The following TMC1 variants were observed in gnomAD, a reference collection of about 807,000 sequenced individuals.
The protein encoded by TMC1 is transmembrane channel like 1, also known as transmembrane channel-like protein 1.
In TMC1, 84 loss-of-function variants were observed where a neutral mutation model predicts 105.8. The observed-to-expected ratio is 0.79, with a 90% CI of 0.67 to 0.95. TMC1 has a LOEUF of 0.95. Ranked by LOEUF, TMC1 falls within the 40% of genes least tolerant of loss-of-function variation. TMC1 has a pLI of 0.00. For synonymous variants in TMC1, 315 were observed against 311.5 expected, an observed-to-expected ratio of 1.01 and a Z score of -0.12; for missense variants, 817 against 914.1, an observed-to-expected ratio of 0.89 and a Z score of 1.37.
At chr9:72,586,231 G>A (rs1368170019) in intron 2 of TMC1, among the ~76,000 whole-genome samples, 3 of 152,164 alleles carry the variant, frequency 2.0e-5, no homozygotes, top group Non-Finnish European at 2.9e-5. Context: ...ATGCCAGTTT[G>A]ATTCAGATAA....
chr9:72,784,997 C>T (rs937625914), intron 13 of TMC1, among the ~76,000 whole-genome samples: 14 of 152,114 alleles, frequency 9.2e-5, no homozygotes, highest in African/African-American at 2.9e-4. Context: ...TTACTACGCT[C>T]ATCATCTGAG....
At position 72,801,534 on chromosome 9, in the gene TMC1, C is replaced by T. The variant is rs1828472286; in HGVS notation, c.1567-3848C>T. Among the ~76,000 whole-genome samples, 4 of 152,198 alleles carry T rather than the reference C, an allele frequency of 2.6e-5. No homozygotes were observed. In the South Asian group the frequency reaches 8.3e-4, roughly 32 times the overall value. The stretch of plus-strand genomic sequence containing the variant: ...CCCCAGTTAGCATCAACACACACTC[C>T]CCAAACTCCTGCCTGCAATGTCTAT... On this transcript the variant is annotated intron_variant, in intron 17 of 23. Transcript: ENST00000297784.
At chr9:72,653,495 A>G (rs1825843672) in intron 5 of TMC1, among the ~76,000 whole-genome samples, 1 of 152,090 alleles carries the variant, frequency 6.6e-6, no homozygotes, top group Admixed American at 6.6e-5. Flanking sequence ...AAAAAGAAAA[A>G]CTGTTGATAC....
At chr9:72,725,325 G>GTGTGTA (rs1346287163) in intron 8 of TMC1, among the ~76,000 whole-genome samples, 38 of 77,682 alleles carry the variant, frequency 4.9e-4, no homozygotes, top group African/African-American at 1.2e-3. Context: ...ATGTGTGTAT[G>GTGTGTA]TATATATATA....
chr9:72,684,235 C>G lies in TMC1; in HGVS notation c.17-4474C>G, dbSNP rs1449453073. Among the ~76,000 whole-genome samples the G allele has an allele frequency of 2.6e-5, 4 of 152,178 alleles. No homozygotes were observed. The East Asian group carries it at 7.8e-4, about 29-fold the overall frequency. On this transcript the variant is annotated intron_variant, in intron 5 of 23. Coordinates refer to ENST00000297784, the MANE Select transcript of TMC1 (RefSeq NM_138691.3). ...TTCTAAATAGCAAAAATAGCTGTAT[C>G]CTTTTACTCACTGCCCATCAGTTCA...
chr9:72,524,987 A>G (rs1022522151), intron 1 of TMC1, among the ~76,000 whole-genome samples: 1 of 152,152 alleles, frequency 6.6e-6, no homozygotes, highest in Non-Finnish European at 1.5e-5. Context: ...CCAAGCCTGG[A>G]TTGTGGAGGT....
chr9:72,576,459 T>C (rs1358173239), intron 1 of TMC1, among the ~76,000 whole-genome samples: 1 of 151,808 alleles, frequency 6.6e-6, no homozygotes, highest in Non-Finnish European at 1.5e-5. Flanking sequence ...CTTTAGGTGC[T>C]CAGCACCTCT....
chr9:72,698,629 A>T (rs1826590469), intron 7 of TMC1, among the ~76,000 whole-genome samples: 1 of 152,240 alleles, frequency 6.6e-6, no homozygotes, highest in Non-Finnish European at 1.5e-5. Flanking sequence ...AAAGGTAAAA[A>T]GAGAACACTA....
In TMC1 at chr9:72,584,204, A is replaced by G. The variant is rs867446307; in HGVS notation, c.-306+6181A>G. Among the ~76,000 whole-genome samples, 6 of 152,300 alleles carry G rather than the reference A, an allele frequency of 3.9e-5. No individual in the cohort carries two copies. The Middle Eastern group carries it at 0.014, about 345-fold the overall frequency. ...AAAGATAAAGAGGTATTTCAAAGGCAAACAATGGAGAGAAGATCATTCTAA... is the reference window on the plus strand; with the variant it reads ...AAAGATAAAGAGGTATTTCAAAGGCGAACAATGGAGAGAAGATCATTCTAA... On this transcript the variant is annotated intron_variant, in intron 2 of 23. Coordinates refer to ENST00000297784, the MANE Select transcript of TMC1 (RefSeq NM_138691.3).
At chr9:72,629,455 C>T (rs377651574) in intron 4 of TMC1, among the ~76,000 whole-genome samples, 1 of 152,002 alleles carries the variant, frequency 6.6e-6, no homozygotes, top group Non-Finnish European at 1.5e-5. Context: ...ATGGCCTTGC[C>T]CTCAAGGAAC....
chr9:72,669,692 AT>A (rs1008095964), intron 5 of TMC1, among the ~76,000 whole-genome samples: 2,354 of 147,516 alleles, frequency 0.016, 63 homozygotes, highest in African/African-American at 0.052. Flanking sequence ...CTCTTGACTC[AT>A]TTTTTTTTTT....
intron 1 of TMC1, among the ~76,000 whole-genome samples, chr9:72,527,424 G>A (rs1823424366): frequency 6.6e-6 from 1 of 152,122 alleles, no homozygotes; most frequent in Admixed American, 6.5e-5. Context: ...TAGGATCCAG[G>A]AATCTGCCTG....
chr9:72,738,074 C>T lies in TMC1; in HGVS notation c.363-2045C>T, dbSNP rs536919107. ...TACATCTACCCCAAACTATGTCAAT[C>T]AGCTCTATTTCTAGAAGGTTTACAT... is the stretch of plus-strand genomic sequence containing the variant. On this transcript the variant is annotated intron_variant, in intron 8 of 23. Coordinates refer to ENST00000297784, the MANE Select transcript of TMC1 (RefSeq NM_138691.3). 9.9e-5 allele frequency among the ~76,000 whole-genome samples: 15 copies of T among 152,178 alleles called. No homozygotes were observed. In the South Asian group the frequency reaches 2.9e-3, roughly 30 times the overall value.
chr9:72,787,905 G>T (rs1438906649), intron 13 of TMC1, among the ~76,000 whole-genome samples: 1 of 152,140 alleles, frequency 6.6e-6, no homozygotes, highest in Non-Finnish European at 1.5e-5. Flanking sequence ...AGAGGCTTCA[G>T]ATGGTCTGGG....
intron 5 of TMC1, among the ~76,000 whole-genome samples, chr9:72,666,177 A>T (rs1373832665): frequency 2.6e-5 from 4 of 152,126 alleles, no homozygotes; most frequent in African/African-American, 9.7e-5. Flanking sequence ...GCACTTTGGG[A>T]GGCCAAGGCG....
intron 5 of TMC1, among the ~76,000 whole-genome samples, chr9:72,668,706 T>C (rs900680138): frequency 1.3e-5 from 2 of 152,208 alleles, no homozygotes; most frequent in African/African-American, 4.8e-5. Flanking sequence ...GCACTATTAA[T>C]ATTTTATGGC....
Position 72,830,684 on chromosome 9 carries a change from TTGG to T in TMC1, c.2260+3_2260+5del, listed in dbSNP as rs546307383. ...AGAAAATGGCAGCTGCACGAGCAGG[TTGG>T]AGATACGTTTATGTTTGTAATGTTT... On this transcript the variant is annotated splice_donor_5th_base_variant and intron_variant, in intron 23 of 23. Coordinates refer to ENST00000297784, the MANE Select transcript of TMC1 (RefSeq NM_138691.3). The T allele has an allele frequency of 5.0e-4, 808 of 1,612,858 alleles. 4 individuals carry two copies. The African/African-American group carries it at 9.8e-3, about 20-fold the overall frequency.
intron 8 of TMC1, among the ~76,000 whole-genome samples, chr9:72,730,940 A>G (rs1418839077): frequency 4.6e-5 from 7 of 152,236 alleles, no homozygotes; most frequent in African/African-American, 1.4e-4. Context: ...AGGTGGTAAT[A>G]TGAGTTAGCA....
rs764992976 is a variant in TMC1, at chr9:72,826,892, T to A, written c.2027T>A (p.Val676Asp). ...PFSGKNRMFEVIGETLEHDFP... is the reference protein window; with the variant it reads ...PFSGKNRMFEDIGETLEHDFP... ...AGTGGCAAAAATAGAATGTTTGAAG[T>A]CATTGGAGAGACCCTGGAGCACGAT... The change falls in exon 21 of 24, where the codon GTC (valine) becomes GAC (aspartate). Residue 676 changes from valine to aspartate, a missense_variant. By Grantham distance (152) the Val-to-Asp change is radical (BLOSUM62 -3). Transcript: ENST00000297784. The A allele has an allele frequency of 7.8e-5, 126 of 1,613,906 alleles. No homozygotes were observed. Among genetic ancestry groups the A allele is most frequent in the Non-Finnish European group, 1.1e-4 (124 of 1,179,914 alleles).
Sources: gnomAD v4.1 joint callset for allele counts (sites outside exome capture counted in the v4.1 genomes callset) on GRCh38, gnomAD v4.1.1 for gene constraint, MANE v1.5 for transcripts, NCBI Gene and HGNC (gene_info 2026-07-23, HGNC 2026-07-21) for gene names.